Variants in LYPD6B observed in about 807,000 individuals in gnomAD.
The protein encoded by LYPD6B is ly6/PLAUR domain-containing protein 6B.
Under a neutral mutation model 22.8 loss-of-function variants are expected in LYPD6B, and 17 were observed. That is an observed-to-expected ratio of 0.75 (90% CI 0.51 to 1.12). The LOEUF is 1.12. Among genes scored for constraint, LYPD6B ranks in the 50% most tolerant of loss-of-function variants. The pLI is 0.00. For synonymous variants in LYPD6B, 106 were observed against 91.6 expected, an observed-to-expected ratio of 1.16 and a Z score of -0.90; for missense variants, 221 against 258.3, an observed-to-expected ratio of 0.86 and a Z score of 0.99.
chr2:149,078,362 C>T (rs775512149), intron 1 of LYPD6B, among the ~76,000 whole-genome samples: 34 of 152,126 alleles, frequency 2.2e-4, no homozygotes, highest in Non-Finnish European at 4.4e-5. Context: ...TTTTGGAGAG[C>T]ATAATCTCTT....
At chr2:149,041,701 T>C (rs1235042334) in intron 1 of LYPD6B, among the ~76,000 whole-genome samples, 1 of 152,084 alleles carries the variant, frequency 6.6e-6, no homozygotes. Context: ...AGAAGTCCAA[T>C]ACCATGGGAG....
At chr2:149,084,469 T>C (rs1685296422) in intron 1 of LYPD6B, among the ~76,000 whole-genome samples, 1 of 152,170 alleles carries the variant, frequency 6.6e-6, no homozygotes, top group African/African-American at 2.4e-5. Context: ...TGACAAACAG[T>C]GCCTTGTTTT....
chr2:149,092,191 G>T (rs1685685324), intron 1 of LYPD6B, among the ~76,000 whole-genome samples: 1 of 151,936 alleles, frequency 6.6e-6, no homozygotes, highest in Admixed American at 6.6e-5. Context: ...TTGTGGTGAT[G>T]GGGGGGGAAT....
intron 1 of LYPD6B, among the ~76,000 whole-genome samples, chr2:149,057,062 G>C (rs1248445946): frequency 6.6e-6 from 1 of 152,156 alleles, no homozygotes; most frequent in Non-Finnish European, 1.5e-5. Context: ...CCAGAAAAGA[G>C]TGAAAGTAAA....
chr2:149,159,104 G>T (rs371388655), intron 2 of LYPD6B, among the ~76,000 whole-genome samples: 1 of 151,846 alleles, frequency 6.6e-6, no homozygotes, highest in Non-Finnish European at 1.5e-5. Flanking sequence ...CTTTGGTGTC[G>T]TATTTCATGT....
At chr2:149,051,386 C>T (rs1442432735) in intron 1 of LYPD6B, among the ~76,000 whole-genome samples, 2 of 151,900 alleles carry the variant, frequency 1.3e-5, no homozygotes, top group Admixed American at 6.6e-5. Flanking sequence ...AGGATGGTCT[C>T]GATCTCCTGA....
intron 1 of LYPD6B, among the ~76,000 whole-genome samples, chr2:149,072,881 T>G (rs370668603): frequency 6.6e-5 from 10 of 152,124 alleles, no homozygotes; most frequent in African/African-American, 1.9e-4. Flanking sequence ...GCCTGAGACA[T>G]TTGAGTGAAG....
intron 5 of LYPD6B, among the ~76,000 whole-genome samples, chr2:149,211,380 G>C (rs1693843111): frequency 6.6e-6 from 1 of 152,128 alleles, no homozygotes; most frequent in Non-Finnish European, 1.5e-5. Flanking sequence ...TACTGGGTTA[G>C]AATCCTACTT....
chr2:149,071,122 G>A (rs1481601137), intron 1 of LYPD6B, among the ~76,000 whole-genome samples: 1 of 152,224 alleles, frequency 6.6e-6, no homozygotes, highest in Non-Finnish European at 1.5e-5. Context: ...AATGTAAAAC[G>A]CGGCTTGGCA....
chr2:149,115,101 G>A lies in LYPD6B; in HGVS notation c.-66-15782G>A, dbSNP rs528929268. On this transcript the variant is annotated intron_variant, in intron 1 of 6. Transcript: ENST00000409642. The stretch of plus-strand genomic sequence containing the variant: ...TTACAGGCGCTCGCCACTACATCCA[G>A]CTAATTTTTGTCTTTTTAGTAGAGA... Among the ~76,000 whole-genome samples, 4 of 152,248 alleles carry A rather than the reference G, an allele frequency of 2.6e-5. No individual in the cohort carries two copies. The East Asian group carries it at 7.7e-4, about 29-fold the overall frequency.
chr2:149,199,284 T>C (rs1195302425), intron 3 of LYPD6B, among the ~76,000 whole-genome samples: 1 of 152,222 alleles, frequency 6.6e-6, no homozygotes, highest in Non-Finnish European at 1.5e-5. Flanking sequence ...AACTCTGTGG[T>C]CACCTGATTG....
intron 1 of LYPD6B, among the ~76,000 whole-genome samples, chr2:149,056,195 T>C (rs1683781023): frequency 6.6e-6 from 1 of 152,224 alleles, no homozygotes; most frequent in African/African-American, 2.4e-5. Context: ...AAGTATTCAA[T>C]ATTTTGAATA....
At position 149,184,443 on chromosome 2, in the gene LYPD6B, C is replaced by T. The variant is rs373667878; in HGVS notation, c.78-20810C>T. On this transcript the variant is annotated intron_variant, in intron 3 of 6. Coordinates refer to ENST00000409642, the MANE Select transcript of LYPD6B (RefSeq NM_177964.5). ...CAGCCTCATAAAGAAACTCTTGAAC[C>T]ATCTCTCAGTTTTCTTTCATGAGCT... Among the ~76,000 whole-genome samples the T allele has an allele frequency of 7.9e-5, 12 of 152,254 alleles. 1 individual carries two copies. In the East Asian group the frequency reaches 1.5e-3, roughly 20 times the overall value.
intron 2 of LYPD6B, among the ~76,000 whole-genome samples, chr2:149,147,293 TA>T (rs1211762712): frequency 6.6e-6 from 1 of 152,224 alleles, no homozygotes; most frequent in Non-Finnish European, 1.5e-5. Context: ...ATCCAACTAC[TA>T]ATTTACCTTT....
intron 3 of LYPD6B, among the ~76,000 whole-genome samples, chr2:149,166,152 C>G (rs1487188389): frequency 6.6e-6 from 1 of 152,034 alleles, no homozygotes; most frequent in Non-Finnish European, 1.5e-5. Flanking sequence ...TTCAAGTAAT[C>G]AGAAAGACTT....
At chr2:149,125,116 T>A (rs895125536) in intron 1 of LYPD6B, among the ~76,000 whole-genome samples, 10 of 152,182 alleles carry the variant, frequency 6.6e-5, no homozygotes, top group Non-Finnish European at 1.3e-4. Context: ...AAACTTTTCA[T>A]GTTGCCTCAT....
chr2:149,180,096 AAAG>A (rs1045499780), intron 3 of LYPD6B, among the ~76,000 whole-genome samples: 20 of 152,368 alleles, frequency 1.3e-4, no homozygotes, highest in African/African-American at 4.8e-4. Flanking sequence ...ATTTGCTGTC[AAAG>A]AAGAGAAATG....
At chr2:149,211,528 T>C (rs573983283) in intron 5 of LYPD6B, among the ~76,000 whole-genome samples, 1 of 152,198 alleles carries the variant, frequency 6.6e-6, no homozygotes, top group South Asian at 2.1e-4. Flanking sequence ...TAGGAGTACC[T>C]GGCTGATAGT....
chr2:149,122,252 G>T (rs1687407795), intron 1 of LYPD6B, among the ~76,000 whole-genome samples: 1 of 152,074 alleles, frequency 6.6e-6, no homozygotes, highest in Non-Finnish European at 1.5e-5. Context: ...TGGGTGCTGT[G>T]CTTGCTCTGT....
Sources: gnomAD v4.1 joint callset for allele counts (sites outside exome capture counted in the v4.1 genomes callset) on GRCh38, gnomAD v4.1.1 for gene constraint, MANE v1.5 for transcripts, NCBI Gene and HGNC (gene_info 2026-07-23, HGNC 2026-07-21) for gene names.